PDZD8: variants seen among roughly 807,000 people sequenced by gnomAD.
The protein encoded by PDZD8 is PDZ domain-containing protein 8.
A neutral mutation model predicts 85.8 loss-of-function variants in PDZD8; 14 were observed. That is an observed-to-expected ratio of 0.16 (90% CI 0.11 to 0.26). PDZD8 has a LOEUF of 0.26. Among genes scored for constraint, PDZD8 ranks in the 10% least tolerant of loss-of-function variants. The pLI is 1.00. For missense variants in PDZD8, 1,197 were observed against 1,424.3 expected, an observed-to-expected ratio of 0.84 and a Z score of 2.57; for synonymous variants, 592 against 568.6, an observed-to-expected ratio of 1.04 and a Z score of -0.59.
intron 2 of PDZD8, among the ~76,000 whole-genome samples, chr10:117,335,448 T>G (rs1844500287): frequency 6.6e-6 from 1 of 152,240 alleles, no homozygotes; most frequent in East Asian, 1.9e-4. Context: ...TTTGTTCTTC[T>G]TTTAATTTCT....
At chr10:117,316,424 GC>G (rs1232513047) in intron 3 of PDZD8, among the ~76,000 whole-genome samples, 3 of 152,162 alleles carry the variant, frequency 2.0e-5, no homozygotes, top group Non-Finnish European at 4.4e-5. Flanking sequence ...TTTAATCCCA[GC>G]ACTTTGGGAG....
At chr10:117,293,697 C>T (rs2133769501) in intron 3 of PDZD8, among the ~76,000 whole-genome samples, 1 of 152,214 alleles carries the variant, frequency 6.6e-6, no homozygotes, top group Admixed American at 6.5e-5. Flanking sequence ...GAGGCACAGG[C>T]AACCTCAACA....
At chr10:117,369,378 C>G (rs1221542331) in intron 1 of PDZD8, among the ~76,000 whole-genome samples, 1 of 151,950 alleles carries the variant, frequency 6.6e-6, no homozygotes, top group African/African-American at 2.4e-5. Flanking sequence ...AGGCTGGTCT[C>G]GAACTCCTGA....
At chr10:117,326,792 C>G (rs141521629) in intron 2 of PDZD8, among the ~76,000 whole-genome samples, 1 of 152,160 alleles carries the variant, frequency 6.6e-6, no homozygotes, top group Non-Finnish European at 1.5e-5. Flanking sequence ...TACCTACTAG[C>G]TGAACAGGGA....
At chr10:117,337,353 G>A (rs774693389) in intron 2 of PDZD8, among the ~76,000 whole-genome samples, 4 of 151,992 alleles carry the variant, frequency 2.6e-5, no homozygotes, top group Admixed American at 1.3e-4. Flanking sequence ...CTAGCAGTAC[G>A]ACAAACAGCC....
chr10:117,283,996 G>A lies in PDZD8; in HGVS notation c.2737C>T (p.Leu913Phe), dbSNP rs781617212. The A allele has an allele frequency of 1.2e-5, 20 of 1,614,078 alleles. No individual in the cohort carries two copies. The South Asian group carries it at 2.1e-4, about 17-fold the overall frequency. ...KNLRLEGQET[L>F]LGLPPRVDAE... ...TCAACACGAGGAGGCAGGCCTAAGA[G>A]GGTTTCCTGTCCTTCCAGCCTAAGG... The change falls in exon 5 of 5, where the codon CTC (leucine) becomes TTC (phenylalanine). Residue 913 changes from leucine to phenylalanine, a missense_variant. Leu to Phe is a conservative substitution (Grantham distance 22). Transcript: ENST00000334464.
chr10:117,366,553 TACC>T (rs1845093719), intron 1 of PDZD8, among the ~76,000 whole-genome samples: 2 of 151,352 alleles, frequency 1.3e-5, no homozygotes, highest in African/African-American at 4.9e-5. Flanking sequence ...GGTCTGTCAC[TACC>T]ACCACCACTA....
intron 1 of PDZD8, among the ~76,000 whole-genome samples, chr10:117,363,594 A>G (rs1589594729): frequency 2.6e-5 from 4 of 152,296 alleles, no homozygotes; most frequent in Admixed American, 2.6e-4. Flanking sequence ...TAACTTATCA[A>G]TGACCCAAGT....
At chr10:117,343,222 G>C (rs182946329) in intron 1 of PDZD8, among the ~76,000 whole-genome samples, 1 of 152,192 alleles carries the variant, frequency 6.6e-6, no homozygotes, top group Admixed American at 6.5e-5. Flanking sequence ...AATAGAGGGG[G>C]TTAAATGCTG....
intron 1 of PDZD8, among the ~76,000 whole-genome samples, chr10:117,361,985 A>G (rs1022347875): frequency 1.3e-5 from 2 of 152,136 alleles, no homozygotes; most frequent in African/African-American, 4.8e-5. Flanking sequence ...GGATTTTGGT[A>G]TCCTGGTGGA....
At chr10:117,333,273 A>G (rs1844461647) in intron 2 of PDZD8, among the ~76,000 whole-genome samples, 1 of 152,152 alleles carries the variant, frequency 6.6e-6, no homozygotes, top group South Asian at 2.1e-4. Flanking sequence ...AATGGATATA[A>G]TAACACTAAT....
intron 3 of PDZD8, among the ~76,000 whole-genome samples, chr10:117,306,523 C>A (rs188702509): frequency 6.6e-6 from 1 of 152,178 alleles, no homozygotes; most frequent in East Asian, 1.9e-4. Context: ...CTTTTTAATT[C>A]CTTTGTTAAA....
chr10:117,349,300 A>G (rs7100905), intron 1 of PDZD8, among the ~76,000 whole-genome samples: 33,107 of 152,150 alleles, frequency 0.22, 4,061 homozygotes, highest in Middle Eastern at 0.34. Flanking sequence ...AGGGAAAGGA[A>G]TACTCTGAAA....
At chr10:117,307,245 AT>A (rs34713936) in intron 3 of PDZD8, among the ~76,000 whole-genome samples, 74,818 of 151,694 alleles carry the variant, frequency 0.49, 19,451 homozygotes, top group South Asian at 0.58. Flanking sequence ...TAGGTTTCTA[AT>A]TTTTTTTAAA....
At chr10:117,297,386 C>T (rs1680629147) in intron 3 of PDZD8, among the ~76,000 whole-genome samples, 2 of 152,046 alleles carry the variant, frequency 1.3e-5, no homozygotes, top group South Asian at 4.1e-4. Flanking sequence ...ACCATAGGAC[C>T]CAGCAATCCT....
At chr10:117,352,513 C>T (rs879498032) in intron 1 of PDZD8, among the ~76,000 whole-genome samples, 12 of 152,164 alleles carry the variant, frequency 7.9e-5, no homozygotes, top group Non-Finnish European at 1.3e-4. Context: ...AACTTAGAAT[C>T]ATATATACAT....
Position 117,374,968 on chromosome 10 carries a change from G to C in PDZD8, c.260C>G (p.Pro87Arg), listed in dbSNP as rs772728752. ...GCAAGTCTCCCGCGTCGGCGGGGCG[G>C]GGGTCTCGGGGGCCGCGGTGGGGGT... ...GATPTAAPET[P>R]APPTRETCYF... Residue 87 changes from proline to arginine, a missense_variant, in exon 1 of 5, where the codon CCC becomes CGC. Physicochemically the swap from Pro to Arg is moderately radical, Grantham distance 103. Coordinates refer to ENST00000334464, the MANE Select transcript of PDZD8 (RefSeq NM_173791.5). This position sits in a 1 kb window ranked among gnomAD's most constrained non-coding sequence, Gnocchi z 7.8. 1 of 1,605,094 alleles carries C rather than the reference G, an allele frequency of 6.2e-7. No individual in the cohort carries two copies. Among genetic ancestry groups the C allele is most frequent in the Admixed American group, 1.7e-5 (1 of 59,020 alleles).
chr10:117,358,415 C>T (rs1844938274), intron 1 of PDZD8, among the ~76,000 whole-genome samples: 1 of 152,062 alleles, frequency 6.6e-6, no homozygotes, highest in African/African-American at 2.4e-5. Context: ...GGCAAAACCA[C>T]AATTACTTTT....
At chr10:117,359,290 C>T (rs1589592027) in intron 1 of PDZD8, among the ~76,000 whole-genome samples, 1 of 151,748 alleles carries the variant, frequency 6.6e-6, no homozygotes, top group Admixed American at 6.6e-5. Flanking sequence ...GTGGAGCATG[C>T]CTGTAGTCCC....
Sources: allele counts gnomAD v4.1 joint callset (sites outside exome capture counted in the v4.1 genomes callset), GRCh38; gene constraint gnomAD v4.1.1; non-coding constraint Gnocchi (gnomAD v3.1); transcripts MANE v1.5; gene names NCBI Gene and HGNC (gene_info 2026-07-23, HGNC 2026-07-21).